The following CHP1 variants were observed in gnomAD, a reference collection of about 807,000 sequenced individuals.
CHP1 encodes calcineurin like EF-hand protein 1.
A neutral mutation model predicts 27.4 loss-of-function variants in CHP1; 11 were observed. That is an observed-to-expected ratio of 0.40 (90% CI 0.25 to 0.67). The LOEUF is 0.67. CHP1 is among the 30% of genes least tolerant of loss of function. CHP1 has a pLI of 0.38. For synonymous variants in CHP1, 89 were observed against 87.4 expected, an observed-to-expected ratio of 1.02 and a Z score of -0.10; for missense variants, 169 against 251.3, an observed-to-expected ratio of 0.67 and a Z score of 2.22.
chr15:41,269,840 TG>T (rs2047479970), intron 4 of CHP1, among the ~76,000 whole-genome samples: 1 of 152,150 alleles, frequency 6.6e-6, no homozygotes, highest in Non-Finnish European at 1.5e-5. Flanking sequence ...ATCCTCAGGC[TG>T]GCGATTTGTC....
intron 2 of CHP1, among the ~76,000 whole-genome samples, chr15:41,252,711 G>C (rs536540959): frequency 3.9e-4 from 59 of 152,180 alleles, no homozygotes; most frequent in Non-Finnish European, 8.1e-4. Flanking sequence ...AAGCATCCCT[G>C]TGCCCTTGAA....
intron 2 of CHP1, among the ~76,000 whole-genome samples, chr15:41,245,594 G>A (rs1394832884): frequency 6.6e-6 from 1 of 152,196 alleles, no homozygotes; most frequent in Non-Finnish European, 1.5e-5. Flanking sequence ...TCTGTCATAT[G>A]GATATGCCAC....
intron 3 of CHP1, among the ~76,000 whole-genome samples, chr15:41,257,452 T>C (rs2047406171): frequency 6.6e-6 from 1 of 151,852 alleles, no homozygotes; most frequent in Admixed American, 6.6e-5. Flanking sequence ...AGTAACCACA[T>C]TTAAAAAGTA....
chr15:41,269,994 G>C (rs925017526), intron 4 of CHP1, among the ~76,000 whole-genome samples: 2 of 152,064 alleles, frequency 1.3e-5, no homozygotes, highest in African/African-American at 4.8e-5. Flanking sequence ...GTTTCTAGAA[G>C]GCTTAAAGAG....
At chr15:41,276,594 G>T (rs1327759643) in intron 5 of CHP1, among the ~76,000 whole-genome samples, 1 of 152,170 alleles carries the variant, frequency 6.6e-6, no homozygotes, top group Non-Finnish European at 1.5e-5. Flanking sequence ...GACAGATTTG[G>T]TGAAACAGTG....
chr15:41,255,877 C>T (rs1056284794), intron 2 of CHP1, among the ~76,000 whole-genome samples: 7 of 151,864 alleles, frequency 4.6e-5, no homozygotes, highest in Non-Finnish European at 7.4e-5. Flanking sequence ...ACTAGCCAGG[C>T]GTGGTGGAGA....
intron 2 of CHP1, 126 bp downstream of exon 2, chr15:41,243,865 C>A: frequency 1.4e-6 from 1 of 718,828 alleles, no homozygotes; most frequent in Admixed American, 2.7e-5. Context: ...AGGACCATTT[C>A]TCTACTGGTC....
At chr15:41,239,531 G>A (rs1250020096) in intron 1 of CHP1, among the ~76,000 whole-genome samples, 1 of 151,748 alleles carries the variant, frequency 6.6e-6, no homozygotes, top group Admixed American at 6.6e-5. Context: ...AGCCTCCCAA[G>A]TAGCTGGGAT....
chr15:41,234,638 G>T (rs145558044), intron 1 of CHP1, among the ~76,000 whole-genome samples: 122 of 152,214 alleles, frequency 8.0e-4, no homozygotes, highest in African/African-American at 2.9e-3. Flanking sequence ...AGTAATTCTG[G>T]ATAAGAATTA....
chr15:41,275,296 A>T (rs1163763510), intron 5 of CHP1, among the ~76,000 whole-genome samples: 2 of 151,970 alleles, frequency 1.3e-5, no homozygotes, highest in African/African-American at 4.8e-5. Context: ...CTGGGATTAC[A>T]GGTGCCCGCC....
At chr15:41,261,417 A>G (rs982508091) in intron 3 of CHP1, among the ~76,000 whole-genome samples, 2 of 151,998 alleles carry the variant, frequency 1.3e-5, no homozygotes, top group African/African-American at 2.4e-5. Context: ...CAGCCTCCCA[A>G]AGTATTAGGA....
intron 4 of CHP1, chr15:41,264,070 C>T (rs2047447325): frequency 1.7e-6 from 1 of 574,984 alleles, no homozygotes; most frequent in African/African-American, 2.0e-5. Flanking sequence ...TTTACTCTGC[C>T]ATCCTCATAG....
chr15:41,252,945 T>G (rs1225210621), intron 2 of CHP1, among the ~76,000 whole-genome samples: 1 of 133,592 alleles, frequency 7.5e-6, no homozygotes, highest in African/African-American at 2.9e-5. Context: ...TTTTTTTTTT[T>G]TTTTTTTTTT....
At chr15:41,272,917 C>G (rs1268986105) in intron 5 of CHP1, among the ~76,000 whole-genome samples, 1 of 151,898 alleles carries the variant, frequency 6.6e-6, no homozygotes, top group Non-Finnish European at 1.5e-5. Flanking sequence ...ATTAGCCGGG[C>G]ATGGTGGTGG....
At chr15:41,258,118 G>A (rs1041918269) in intron 3 of CHP1, among the ~76,000 whole-genome samples, 2 of 151,632 alleles carry the variant, frequency 1.3e-5, no homozygotes, top group Non-Finnish European at 2.9e-5. Context: ...CTACATGTAC[G>A]TACATACATA....
At position 41,271,482 on chromosome 15, in the gene CHP1, A is replaced by G. The variant is rs148694053; in HGVS notation, c.411+864A>G. 3.6e-3 allele frequency among the ~76,000 whole-genome samples: 552 copies of G among 152,304 alleles called. 2 individuals are homozygous for G. Among genetic ancestry groups the G allele is most frequent in the African/African-American group, 0.011 (445 of 41,572 alleles). On this transcript the variant is annotated intron_variant, in intron 5 of 6. Coordinates refer to ENST00000334660, the MANE Select transcript of CHP1 (RefSeq NM_007236.5). Reference sequence around the variant, plus strand: ...AAAGCTAACTAAATGGCTTTTAGGTACTGTCTGAGATTTACATCAGATAAT... The same window carrying G: ...AAAGCTAACTAAATGGCTTTTAGGTGCTGTCTGAGATTTACATCAGATAAT...
At chr15:41,270,678 AG>A (rs755032159) in intron 5 of CHP1, 60 bp downstream of exon 5, 9 of 1,303,998 alleles carry the variant, frequency 6.9e-6, no homozygotes, top group Non-Finnish European at 1.0e-5. Flanking sequence ...TAGTGTGGGC[AG>A]GAACTATTCT....
chr15:41,252,419 G>A lies in CHP1; in HGVS notation c.141-4491G>A, dbSNP rs143906803. Reference sequence around the variant, plus strand: ...CCTGACCTCATGATCCACCCACCTCGGCCTCCCAAAGTGCTGGAATTACAG... The same window carrying A: ...CCTGACCTCATGATCCACCCACCTCAGCCTCCCAAAGTGCTGGAATTACAG... On this transcript the variant is annotated intron_variant, in intron 2 of 6. Transcript: ENST00000334660. Among the ~76,000 whole-genome samples the A allele has an allele frequency of 4.9e-3, 736 of 151,684 alleles. 10 individuals carry two copies. Among genetic ancestry groups the A allele is most frequent in the African/African-American group, 0.017 (705 of 41,350 alleles).
chr15:41,250,991 C>T (rs1048896083), intron 2 of CHP1, among the ~76,000 whole-genome samples: 13 of 151,974 alleles, frequency 8.6e-5, no homozygotes, highest in Non-Finnish European at 1.5e-4. Flanking sequence ...TGCACTACCA[C>T]GCCCAGTGAA....
Sources: allele counts gnomAD v4.1 joint callset (sites outside exome capture counted in the v4.1 genomes callset), GRCh38; gene constraint gnomAD v4.1.1; transcripts MANE v1.5; gene names NCBI Gene and HGNC (gene_info 2026-07-23, HGNC 2026-07-21).